ZNF487: variants seen among roughly 807,000 people sequenced by gnomAD.
ZNF487 encodes the protein zinc finger protein 487.
In ZNF487, 4 loss-of-function variants were observed where a neutral mutation model predicts 3.0. The observed-to-expected ratio is 1.35, with a 90% CI of 0.66 to 3.08. The LOEUF (loss-of-function observed/expected upper bound fraction) is 3.08. Among genes scored for constraint, ZNF487 ranks in the 30% most tolerant of loss-of-function variants. The pLI, the probability that ZNF487 is intolerant of heterozygous loss-of-function variation, is 0.01. For missense variants in ZNF487, 146 were observed against 98.7 expected (o/e 1.48, Z -2.03); for synonymous variants, 55 against 34.6 (o/e 1.59, Z -2.06).
chr10:43,514,245 AT>A, the ZNF487 span, among the ~76,000 whole-genome samples: 1 of 152,096 alleles, frequency 6.6e-6, no homozygotes, highest in Non-Finnish European at 1.5e-5. Flanking sequence ...GGTTCAAGCA[AT>A]TCTCCAGCCT....
intron 1 of ZNF487, among the ~76,000 whole-genome samples, chr10:43,441,620 C>CT (rs1210439205): frequency 1.3e-5 from 2 of 151,928 alleles, no homozygotes; most frequent in South Asian, 2.1e-4. Context: ...CAGGGTCTCT[C>CT]TGTCACCCAG....
chr10:43,508,593 G>A, the ZNF487 span, among the ~76,000 whole-genome samples: 1 of 151,800 alleles, frequency 6.6e-6, no homozygotes, highest in Non-Finnish European at 1.5e-5. Flanking sequence ...TGGATCACCT[G>A]AGGTCAGGAG....
intron 1 of ZNF487, among the ~76,000 whole-genome samples, chr10:43,442,924 T>A (rs1292077087): frequency 6.6e-6 from 1 of 152,180 alleles, no homozygotes; most frequent in Non-Finnish European, 1.5e-5. Flanking sequence ...AGCTTAGTAA[T>A]TTTTTCAATT....
chr10:43,459,294 G>A (rs1207004729), intron 1 of ZNF487, among the ~76,000 whole-genome samples: 2 of 151,672 alleles, frequency 1.3e-5, no homozygotes, highest in African/African-American at 4.8e-5. Context: ...CAGTGGCATG[G>A]TCTTGGCTCA....
At chr10:43,465,294 C>A (rs906819790) in intron 1 of ZNF487, among the ~76,000 whole-genome samples, 2 of 151,634 alleles carry the variant, frequency 1.3e-5, no homozygotes, top group African/African-American at 2.4e-5. Flanking sequence ...GGGGCTGATC[C>A]CCACCTCCCT....
At chr10:43,522,791 C>A in the ZNF487 span, among the ~76,000 whole-genome samples, 1 of 151,526 alleles carries the variant, frequency 6.6e-6, no homozygotes, top group South Asian at 2.1e-4. Context: ...GCATTGGAAA[C>A]ATATGTATTA....
chr10:43,500,834 A>T, the ZNF487 span, among the ~76,000 whole-genome samples: 1 of 152,208 alleles, frequency 6.6e-6, no homozygotes, highest in African/African-American at 2.4e-5. Context: ...GGAGAAAACA[A>T]GAAAAGTATA....
chr10:43,498,277 T>G, the ZNF487 span, among the ~76,000 whole-genome samples: 1 of 140,338 alleles, frequency 7.1e-6, no homozygotes, highest in African/African-American at 2.6e-5. Flanking sequence ...TATATATATT[T>G]TTTTCTTTTT....
chr10:43,458,121 G>A (rs1840289340), intron 1 of ZNF487: 1 of 152,156 alleles, frequency 6.6e-6, no homozygotes. Flanking sequence ...TTGCCAGTGT[G>A]AACCCAAAAT....
chr10:43,510,456 C>A, the ZNF487 span, among the ~76,000 whole-genome samples: 1 of 152,224 alleles, frequency 6.6e-6, no homozygotes, highest in Non-Finnish European at 1.5e-5. Context: ...GTATTCCATG[C>A]ATACTCTTCC....
chr10:43,460,460 C>T (rs1323448342), intron 1 of ZNF487, among the ~76,000 whole-genome samples: 2 of 148,110 alleles, frequency 1.4e-5, no homozygotes, highest in Non-Finnish European at 3.0e-5. Context: ...ATGGCAACCT[C>T]TGCCTCCCGG....
chr10:43,510,734 G>A, the ZNF487 span, among the ~76,000 whole-genome samples: 1 of 152,120 alleles, frequency 6.6e-6, no homozygotes, highest in Non-Finnish European at 1.5e-5. Context: ...TTTTAGTAGA[G>A]ACAGGGTTTC....
intron 1 of ZNF487, among the ~76,000 whole-genome samples, chr10:43,473,044 T>TC (rs1554799624): frequency 4.7e-5 from 3 of 63,244 alleles, no homozygotes; most frequent in African/African-American, 3.8e-4. Flanking sequence ...AGACTCTGTC[T>TC]CAAAAAAAAA....
At chr10:43,439,944 C>T (rs1173992670) in intron 1 of ZNF487, among the ~76,000 whole-genome samples, 1 of 151,706 alleles carries the variant, frequency 6.6e-6, no homozygotes, top group Non-Finnish European at 1.5e-5. Context: ...TTCAGATTTG[C>T]AAGATGAAAA....
the ZNF487 span, among the ~76,000 whole-genome samples, chr10:43,493,623 C>T: frequency 9.8e-5 from 14 of 142,374 alleles, no homozygotes; most frequent in African/African-American, 3.5e-4. Context: ...CCTGGGAGGT[C>T]GAGGCTGCAG....
intron 1 of ZNF487, among the ~76,000 whole-genome samples, chr10:43,450,940 TA>T (rs1182938114): frequency 2.6e-5 from 4 of 152,140 alleles, no homozygotes; most frequent in Admixed American, 6.6e-5. Context: ...CCATTATTAT[TA>T]TTTTTTTATT....
intron 1 of ZNF487, among the ~76,000 whole-genome samples, chr10:43,466,727 A>G (rs1840720841): frequency 6.6e-6 from 1 of 152,156 alleles, no homozygotes; most frequent in African/African-American, 2.4e-5. Flanking sequence ...TAAACAAATT[A>G]TTGAGTCCTA....
At chr10:43,472,817 TTC>T (rs1840950128) in intron 1 of ZNF487, among the ~76,000 whole-genome samples, 1 of 152,136 alleles carries the variant, frequency 6.6e-6, no homozygotes, top group African/African-American at 2.4e-5. Context: ...TTCCAACTTA[TTC>T]TGTTATAATT....
the ZNF487 span, among the ~76,000 whole-genome samples, chr10:43,498,099 ATTTTT>A: frequency 1.0e-3 from 21 of 20,182 alleles, no homozygotes; most frequent in East Asian, 5.3e-3. Flanking sequence ...ATATATATAT[ATTTTT>A]TTTTTTTTTC....
Sources: gnomAD v4.1 joint callset for allele counts (sites outside exome capture counted in the v4.1 genomes callset) on GRCh38, gnomAD v4.1.1 for gene constraint, MANE v1.5 for transcripts, NCBI Gene and HGNC (gene_info 2026-07-23, HGNC 2026-07-21) for gene names.